The following BPIFC variants were observed in gnomAD, a reference collection of about 807,000 sequenced individuals.
BPIFC encodes BPI fold-containing family C protein.
A neutral mutation model predicts 57.6 loss-of-function variants in BPIFC; 60 were observed. The observed-to-expected ratio is 1.04, with a 90% confidence interval of 0.85 to 1.29. The LOEUF (loss-of-function observed/expected upper bound fraction) is 1.29, where lower values mean the gene tolerates loss of function less well. Ranked by LOEUF, BPIFC falls within the 50% of genes most tolerant of loss-of-function variation. The pLI is 0.00. For missense variants in BPIFC, 581 were observed against 600.5 expected, an observed-to-expected ratio of 0.97 and a Z score of 0.34; for synonymous variants, 243 against 224.5, an observed-to-expected ratio of 1.08 and a Z score of -0.74.
chr22:32,424,598 CTT>C (rs1383700280), intron 13 of BPIFC, among the ~76,000 whole-genome samples: 2 of 92,192 alleles, frequency 2.2e-5, no homozygotes, highest in African/African-American at 7.4e-5. Context: ...TCTTCTTCTT[CTT>C]CTCCTCCTCC....
chr22:32,442,383 G>A (rs1934588386), intron 8 of BPIFC, among the ~76,000 whole-genome samples: 2 of 152,182 alleles, frequency 1.3e-5, no homozygotes, highest in Admixed American at 1.3e-4. Flanking sequence ...GAGAAGGGAT[G>A]TAATGTCACT....
chr22:32,462,168 C>CAAATAAAAAAAAAAAA (rs1935174617), intron 1 of BPIFC, among the ~76,000 whole-genome samples: 1 of 53,600 alleles, frequency 1.9e-5, no homozygotes, highest in African/African-American at 6.9e-5. Flanking sequence ...GACTCCATCT[C>CAAATAAAAAAAAAAAA]AAAAAAAAAA....
At position 32,437,692 on chromosome 22, in the gene BPIFC, A is replaced by T. The variant is rs1934446952; in HGVS notation, c.747+68T>A. ...AGGTGTGAGGCACCGTGCCCAGTCCATAATCATTGTTTTCTAAATATTGGC... is the reference window on the plus strand; with the variant it reads ...AGGTGTGAGGCACCGTGCCCAGTCCTTAATCATTGTTTTCTAAATATTGGC... On this transcript the variant is annotated intron_variant, in intron 9 of 16. Coordinates refer to ENST00000300399, the MANE Select transcript of BPIFC (RefSeq NM_174932.3). 8 of 1,205,184 alleles carry T rather than the reference A, an allele frequency of 6.6e-6. No homozygotes were observed. The South Asian group carries it at 9.8e-5, about 15-fold the overall frequency. 74.7% of individuals were successfully genotyped at this position (1,205,184 alleles called of 1,614,324 possible).
chr22:32,463,214 G>A lies in BPIFC; in HGVS notation c.-89+1160C>T, dbSNP rs8138357. Among the ~76,000 whole-genome samples the A allele has an allele frequency of 5.4e-3, 826 of 152,240 alleles. 11 individuals are homozygous for A. Among genetic ancestry groups the A allele is most frequent in the African/African-American group, 0.019 (780 of 41,536 alleles). ...TTGTTCAGTTACGATGATAACTTAT[G>A]GGCAGGGGAGGAAAGGAACCTTGTC... On this transcript the variant is annotated intron_variant, in intron 1 of 16. Transcript: ENST00000300399.
chr22:32,453,297 G>T, intron 4 of BPIFC, 86 bp downstream of exon 4: 1 of 967,458 alleles, frequency 1.0e-6, no homozygotes, highest in Middle Eastern at 2.9e-4. Flanking sequence ...GCTGGATTCT[G>T]ATGAAATCGT....
intron 13 of BPIFC, among the ~76,000 whole-genome samples, chr22:32,429,351 C>T (rs868578527): frequency 5.9e-5 from 9 of 151,528 alleles, no homozygotes; most frequent in African/African-American, 1.5e-4. Flanking sequence ...GAGCTACAGG[C>T]GCCCGCCACC....
At chr22:32,423,409 G>C (rs1369431044) in intron 13 of BPIFC, among the ~76,000 whole-genome samples, 1 of 152,120 alleles carries the variant, frequency 6.6e-6, no homozygotes, top group East Asian at 1.9e-4. Context: ...GGTGGAGTTG[G>C]GGGGGTCAGC....
Position 32,450,070 on chromosome 22 carries a change from T to C in BPIFC, c.246-2730A>G, listed in dbSNP as rs1179733968. The stretch of plus-strand genomic sequence containing the variant: ...CTTCTCTAAGGAGGATGCTGAGCAG[T>C]GGAATTGTTGGGTCAAAGAGCATAC... On this transcript the variant is annotated intron_variant, in intron 4 of 16. Coordinates refer to ENST00000300399, the MANE Select transcript of BPIFC (RefSeq NM_174932.3). Among the ~76,000 whole-genome samples, 3 of 149,780 alleles carry C rather than the reference T, an allele frequency of 2.0e-5. No homozygotes were observed. The Admixed American group carries it at 2.0e-4, about 10-fold the overall frequency.
intron 1 of BPIFC, among the ~76,000 whole-genome samples, chr22:32,461,909 CACGCCTAT>C (rs1037214836): frequency 6.6e-6 from 1 of 152,018 alleles, no homozygotes; most frequent in Non-Finnish European, 1.5e-5. Flanking sequence ...CGTGGTGGCT[CACGCCTAT>C]AATCCTGGCA....
At chr22:32,417,050 T>C (rs1933699241) in intron 15 of BPIFC, 35 bp downstream of exon 15, 2 of 1,507,358 alleles carry the variant, frequency 1.3e-6, no homozygotes, top group Non-Finnish European at 1.8e-6. Context: ...TGTTAGCCGA[T>C]GTTACAGTCA....
intron 9 of BPIFC, among the ~76,000 whole-genome samples, chr22:32,436,990 T>C (rs1934423600): frequency 6.6e-6 from 1 of 152,194 alleles, no homozygotes; most frequent in South Asian, 2.1e-4. Flanking sequence ...ACCACAATGA[T>C]TGTTTTTCCA....
intron 13 of BPIFC, among the ~76,000 whole-genome samples, chr22:32,420,261 T>G (rs1208736245): frequency 6.8e-6 from 1 of 146,562 alleles, no homozygotes; most frequent in Non-Finnish European, 1.5e-5. Context: ...CAGCTTGCAG[T>G]GAGCAGAGAT....
chr22:32,424,152 A>G (rs764946382), intron 13 of BPIFC, among the ~76,000 whole-genome samples: 3 of 152,002 alleles, frequency 2.0e-5, no homozygotes, highest in African/African-American at 7.2e-5. Flanking sequence ...CAACAACCCT[A>G]TGGAGGGGTG....
At chr22:32,418,642 G>A (rs1218924275) in intron 14 of BPIFC, among the ~76,000 whole-genome samples, 4 of 152,052 alleles carry the variant, frequency 2.6e-5, no homozygotes, top group African/African-American at 7.2e-5. Flanking sequence ...GAACAGTTCC[G>A]GGCTCAATAA....
In BPIFC at chr22:32,414,606, C is replaced by T. The variant is rs529332575; in HGVS notation, c.1402-181G>A. On this transcript the variant is annotated intron_variant, in intron 16 of 16. Coordinates refer to ENST00000300399, the MANE Select transcript of BPIFC (RefSeq NM_174932.3). ...TTGGCTCACTGCAAGCTCCGTCCCT[C>T]GGTTTCAAGTGATTCTCGTGCCTCA... is the stretch of plus-strand genomic sequence containing the variant. 3.9e-5 allele frequency among the ~76,000 whole-genome samples: 6 copies of T among 152,182 alleles called. 1 individual carries two copies. The highest frequency in any genetic ancestry group is 1.4e-4 in the African/African-American group (6 of 41,518).
Position 32,414,261 on chromosome 22 carries a change from T to C in BPIFC, c.*42A>G. On this transcript the variant is annotated 3_prime_UTR_variant, in exon 17 of 17. Transcript: ENST00000300399. ...TTCTGGGTTTACAGTAGTTGTAGGATTAAGGACCATTTACTTCCTGGGGTG... is the reference window on the plus strand; with the variant it reads ...TTCTGGGTTTACAGTAGTTGTAGGACTAAGGACCATTTACTTCCTGGGGTG... 1 of 1,608,896 alleles carries C rather than the reference T, an allele frequency of 6.2e-7. No homozygotes were observed. The highest frequency in any genetic ancestry group is 8.5e-7 in the Non-Finnish European group (1 of 1,177,082).
chr22:32,417,254 C>T lies in BPIFC; in HGVS notation c.1261-106G>A, dbSNP rs1933708921. 4.9e-5 allele frequency: 38 copies of T among 768,918 alleles called. 1 individual carries two copies. In the South Asian group the frequency reaches 6.1e-4, roughly 12 times the overall value. 47.6% of individuals were successfully genotyped at this position (768,918 alleles called of 1,614,324 possible). On this transcript the variant is annotated intron_variant, in intron 14 of 16. Coordinates refer to ENST00000300399, the MANE Select transcript of BPIFC (RefSeq NM_174932.3). Reference sequence around the variant, plus strand: ...GCAGTAGTGTGATCATGGCTCTCTCCAGCCTCGAACTCCTGGGCTCAAGCA... The same window carrying T: ...GCAGTAGTGTGATCATGGCTCTCTCTAGCCTCGAACTCCTGGGCTCAAGCA...
chr22:32,432,935 G>T (rs1041360438), intron 11 of BPIFC, among the ~76,000 whole-genome samples: 2 of 152,172 alleles, frequency 1.3e-5, no homozygotes, highest in Non-Finnish European at 2.9e-5. Flanking sequence ...GGGCACAGTG[G>T]CTCATGCCTG....
intron 14 of BPIFC, among the ~76,000 whole-genome samples, chr22:32,417,900 C>T (rs1933731098): frequency 6.6e-6 from 1 of 151,594 alleles, no homozygotes; most frequent in African/African-American, 2.4e-5. Context: ...GATGGAGGCT[C>T]ACTCTGTCGC....
Sources: gnomAD v4.1 joint callset for allele counts (sites outside exome capture counted in the v4.1 genomes callset) on GRCh38, gnomAD v4.1.1 for gene constraint, MANE v1.5 for transcripts, NCBI Gene and HGNC (gene_info 2026-07-23, HGNC 2026-07-21) for gene names.